Variants in MAP2K6 observed in about 807,000 individuals in gnomAD.
The protein encoded by MAP2K6 is dual specificity mitogen-activated protein kinase kinase 6.
A neutral mutation model predicts 53.7 loss-of-function variants in MAP2K6; 16 were observed. That is an observed-to-expected ratio of 0.30 (90% CI 0.20 to 0.45). The LOEUF (loss-of-function observed/expected upper bound fraction) is 0.45, where lower values mean the gene tolerates loss of function less well. MAP2K6 is among the 20% of genes least tolerant of loss of function. The pLI, the probability that MAP2K6 is intolerant of heterozygous loss-of-function variation, is 1.00. For missense variants in MAP2K6, 204 were observed against 411.9 expected (o/e 0.50, Z 4.37); for synonymous variants, 132 against 143.1 (o/e 0.92, Z 0.55).
At chr17:69,446,840 T>C (rs968740829) in intron 1 of MAP2K6, among the ~76,000 whole-genome samples, 18 of 146,168 alleles carry the variant, frequency 1.2e-4, no homozygotes, top group African/African-American at 4.6e-4. Context: ...GAAAACACAA[T>C]TGCTAGACTT....
At chr17:69,471,454 A>G (rs1021707446) in intron 1 of MAP2K6, among the ~76,000 whole-genome samples, 2 of 152,334 alleles carry the variant, frequency 1.3e-5, no homozygotes, top group African/African-American at 2.4e-5. Flanking sequence ...TCTCACTTAT[A>G]TGCTGGAGCT....
intron 3 of MAP2K6, 145 bp from the exon 4 acceptor site, chr17:69,517,355 T>C: frequency 2.1e-6 from 1 of 481,700 alleles, no homozygotes; most frequent in Admixed American, 4.0e-5. Context: ...CTTCTTGCTT[T>C]CAGAGGCTGC....
intron 1 of MAP2K6, among the ~76,000 whole-genome samples, chr17:69,449,154 T>G (rs899587988): frequency 2.0e-5 from 3 of 152,240 alleles, no homozygotes; most frequent in Admixed American, 6.5e-5. Flanking sequence ...TTACTAGCTG[T>G]GTAGTCTTAG....
Position 69,429,305 on chromosome 17 carries a change from C to A in MAP2K6, c.16+14305C>A, listed in dbSNP as rs113948217. On this transcript the variant is annotated intron_variant, in intron 1 of 11. Coordinates refer to ENST00000590474, the MANE Select transcript of MAP2K6 (RefSeq NM_002758.4). ...AGTGAAAAAAAAAAAAAAAAATTAG[C>A]CGGGCATGGTGGTGCATGCCTATAG... Among the ~76,000 whole-genome samples the A allele has an allele frequency of 2.6e-3, 395 of 151,598 alleles. 1 individual carries two copies. Among genetic ancestry groups the A allele is most frequent in the African/African-American group, 8.3e-3 (344 of 41,320 alleles).
intron 1 of MAP2K6, among the ~76,000 whole-genome samples, chr17:69,501,332 G>A (rs1304655800): frequency 1.3e-5 from 2 of 152,194 alleles, no homozygotes; most frequent in African/African-American, 4.8e-5. Context: ...TGGGTTGGCA[G>A]TGGAACATAA....
intron 1 of MAP2K6, among the ~76,000 whole-genome samples, chr17:69,475,792 G>A (rs1908130721): frequency 2.0e-5 from 3 of 152,164 alleles, no homozygotes; most frequent in Non-Finnish European, 4.4e-5. Context: ...AGGGGTGGTG[G>A]GGATGGAGGA....
At chr17:69,527,255 G>T (rs1339239943) in intron 10 of MAP2K6, among the ~76,000 whole-genome samples, 2 of 152,174 alleles carry the variant, frequency 1.3e-5, no homozygotes, top group African/African-American at 4.8e-5. Context: ...AGAAGATAGT[G>T]GGTAGTTTGA....
chr17:69,521,049 A>G lies in MAP2K6; in HGVS notation c.484A>G (p.Ile162Val), dbSNP rs761904827. ...EDILGKIAVS[I>V]VKALEHLHSK... ...AATCTATCTTGTGTTTCTCTTGCAG[A>G]TTGTAAAAGCATTAGAACATTTACA... The change falls in exon 7 of 12, where the codon ATT becomes GTT. Residue 162 changes from isoleucine to valine, a missense_variant and splice_region_variant. Coordinates refer to ENST00000590474, the MANE Select transcript of MAP2K6 (RefSeq NM_002758.4). 4.4e-6 allele frequency: 7 copies of G among 1,601,888 alleles called. No individual in the cohort carries two copies. Among genetic ancestry groups the G allele is most frequent in the South Asian group, 1.1e-5 (1 of 89,230 alleles).
intron 2 of MAP2K6, 115 bp from the exon 3 acceptor site, chr17:69,516,740 T>C: frequency 4.1e-6 from 3 of 731,212 alleles, no homozygotes; most frequent in Admixed American, 4.6e-5. Flanking sequence ...TTTAGTTTAC[T>C]CATGAACTTC....
intron 1 of MAP2K6, among the ~76,000 whole-genome samples, chr17:69,488,535 A>G (rs1269641545): frequency 6.6e-6 from 1 of 152,206 alleles, no homozygotes; most frequent in African/African-American, 2.4e-5. Flanking sequence ...GCCCATCAGT[A>G]ATAGACTGGA....
chr17:69,425,349 G>T (rs1481754382), intron 1 of MAP2K6, among the ~76,000 whole-genome samples: 2 of 151,522 alleles, frequency 1.3e-5, no homozygotes, highest in African/African-American at 4.9e-5. Context: ...GTATAGCTCT[G>T]TCACCCAGGC....
At chr17:69,426,368 T>G (rs962362639) in intron 1 of MAP2K6, among the ~76,000 whole-genome samples, 2 of 152,248 alleles carry the variant, frequency 1.3e-5, no homozygotes, top group African/African-American at 4.8e-5. Flanking sequence ...TTATGAAGAT[T>G]AAGCAAGGTC....
intron 1 of MAP2K6, among the ~76,000 whole-genome samples, chr17:69,421,001 T>C (rs1006286527): frequency 1.1e-4 from 17 of 152,232 alleles, no homozygotes; most frequent in African/African-American, 3.9e-4. Flanking sequence ...TTGTTTGCCT[T>C]TTATGGACTG....
At chr17:69,538,818 C>T (rs997202921) in intron 11 of MAP2K6, among the ~76,000 whole-genome samples, 9 of 152,014 alleles carry the variant, frequency 5.9e-5, no homozygotes, top group African/African-American at 2.2e-4. Context: ...TAGCAGCCAA[C>T]GATTTCTGTA....
chr17:69,453,256 A>G (rs1430513571), intron 1 of MAP2K6, among the ~76,000 whole-genome samples: 2 of 152,258 alleles, frequency 1.3e-5, no homozygotes, highest in African/African-American at 4.8e-5. Flanking sequence ...AAGGCCACAT[A>G]GTAAATATTT....
chr17:69,508,793 G>T (rs1292995544), intron 2 of MAP2K6, among the ~76,000 whole-genome samples: 2 of 152,184 alleles, frequency 1.3e-5, no homozygotes, highest in Non-Finnish European at 2.9e-5. Context: ...TTTGTTCAAG[G>T]TATGAGTTTA....
chr17:69,524,840 T>C (rs1910680557), intron 8 of MAP2K6, 61 bp from the exon 9 acceptor site: 1 of 1,296,440 alleles, frequency 7.7e-7, no homozygotes, highest in African/African-American at 1.5e-5. Context: ...CAGAGACTAT[T>C]GAGCTAAGAA....
intron 9 of MAP2K6, among the ~76,000 whole-genome samples, chr17:69,525,559 C>G (rs937884881): frequency 3.3e-5 from 5 of 152,156 alleles, no homozygotes; most frequent in African/African-American, 9.7e-5. Context: ...CTGGGGAGGC[C>G]TCACGATCAT....
At chr17:69,419,563 T>C (rs1179842649) in intron 1 of MAP2K6, among the ~76,000 whole-genome samples, 1 of 152,202 alleles carries the variant, frequency 6.6e-6, no homozygotes, top group African/African-American at 2.4e-5. Context: ...GCAGTTGCAT[T>C]TTTCAGTTTT....
Sources: allele counts gnomAD v4.1 joint callset (sites outside exome capture counted in the v4.1 genomes callset), GRCh38; gene constraint gnomAD v4.1.1; transcripts MANE v1.5; gene names NCBI Gene and HGNC (gene_info 2026-07-23, HGNC 2026-07-21).